The following CPAP variants were observed in gnomAD, a reference collection of about 807,000 sequenced individuals.
CPAP encodes the protein centrosomal P4.1-associated protein.
chr13:24,892,172 C>T, the CPAP span, among the ~76,000 whole-genome samples: 1 of 152,264 alleles, frequency 6.6e-6, no homozygotes, highest in Admixed American at 6.5e-5. Context: ...CCTGGTTGTT[C>T]ACAGAGATGA....
At chr13:24,905,077 T>TCTA in the CPAP span, among the ~76,000 whole-genome samples, 1 of 152,206 alleles carries the variant, frequency 6.6e-6, no homozygotes, top group Non-Finnish European at 1.5e-5. Flanking sequence ...ATGGTAATAC[T>TCTA]GGTACCTCTA....
the CPAP span, chr13:24,884,473 C>T: frequency 1.9e-6 from 3 of 1,613,612 alleles, no homozygotes; most frequent in African/African-American, 4.0e-5. Context: ...CCTAAAAAAC[C>T]AACACAAGAT....
the CPAP span, chr13:24,904,173 T>C: frequency 8.4e-7 from 1 of 1,196,742 alleles, no homozygotes; most frequent in Non-Finnish European, 1.2e-6. Context: ...GCTATTAAAA[T>C]GCATTAGAAA....
At chr13:24,926,151 C>T in the CPAP span, among the ~76,000 whole-genome samples, 7 of 152,320 alleles carry the variant, frequency 4.6e-5, no homozygotes, top group African/African-American at 1.7e-4. Flanking sequence ...TGCAACAGAT[C>T]ACGATGGAAC....
chr13:24,906,882 T>C, the CPAP span: 1 of 1,614,218 alleles, frequency 6.2e-7, no homozygotes, highest in South Asian at 1.1e-5. Flanking sequence ...TTGGCATTAG[T>C]AAATCTAGCT....
At chr13:24,903,383 G>C in the CPAP span, among the ~76,000 whole-genome samples, 3 of 152,158 alleles carry the variant, frequency 2.0e-5, no homozygotes, top group East Asian at 5.8e-4. Flanking sequence ...AACACACACA[G>C]AGGAGAATGC....
At chr13:24,933,256 C>A in the CPAP span, 1 of 779,214 alleles carries the variant, frequency 1.3e-6, no homozygotes, top group Non-Finnish European at 2.1e-6. Flanking sequence ...ACTGGAAGCT[C>A]ATCAGGAGAG....
chr13:24,919,028 G>T, the CPAP span, among the ~76,000 whole-genome samples: 1 of 147,204 alleles, frequency 6.8e-6, no homozygotes, highest in African/African-American at 2.5e-5. Flanking sequence ...AAAGAAGGAG[G>T]GTGAGGGGAG....
At chr13:24,929,901 A>ATTTTTTT in the CPAP span, among the ~76,000 whole-genome samples, 6 of 100,926 alleles carry the variant, frequency 5.9e-5, no homozygotes, top group Non-Finnish European at 9.6e-5. Flanking sequence ...TCACTTGTGA[A>ATTTTTTT]TTTTTTTTTT....
At chr13:24,883,201 A>G in the CPAP span, 9 of 1,614,062 alleles carry the variant, frequency 5.6e-6, no homozygotes, top group Admixed American at 8.3e-5. Flanking sequence ...CCATTAGCAC[A>G]TTACCCTCCT....
At chr13:24,927,146 C>T in the CPAP span, among the ~76,000 whole-genome samples, 2 of 152,160 alleles carry the variant, frequency 1.3e-5, no homozygotes, top group Non-Finnish European at 2.9e-5. Flanking sequence ...ACTATACAAC[C>T]TCTAATCATG....
At chr13:24,907,740 C>T in the CPAP span, among the ~76,000 whole-genome samples, 28,223 of 152,042 alleles carry the variant, frequency 0.19, 2,855 homozygotes, top group South Asian at 0.32. Context: ...TTTCCCTTCT[C>T]CAAAAATAGG....
the CPAP span, chr13:24,933,443 GAA>G: frequency 4.3e-6 from 1 of 231,458 alleles, no homozygotes; most frequent in Non-Finnish European, 8.7e-6. Context: ...ATTCTTGAAG[GAA>G]AAAAGTCATA....
the CPAP span, among the ~76,000 whole-genome samples, chr13:24,909,541 G>A: frequency 1.3e-5 from 2 of 149,988 alleles, no homozygotes; most frequent in Non-Finnish European, 3.0e-5. Context: ...AAAAAAACAC[G>A]CCACAGGGGA....
the CPAP span, among the ~76,000 whole-genome samples, chr13:24,917,643 T>C: frequency 6.6e-6 from 1 of 152,254 alleles, no homozygotes; most frequent in Admixed American, 6.5e-5. Flanking sequence ...GAATAGTTTA[T>C]GAAAACAGTA....
At chr13:24,892,710 A>T in the CPAP span, 1 of 1,614,066 alleles carries the variant, frequency 6.2e-7, no homozygotes, top group Non-Finnish European at 8.5e-7. Flanking sequence ...CCAGGCATCC[A>T]GTCGGAATCT....
the CPAP span, chr13:24,906,991 T>G: frequency 6.2e-7 from 1 of 1,604,724 alleles, no homozygotes; most frequent in Non-Finnish European, 8.5e-7. Context: ...TTGAATTAAT[T>G]TTGGTATATC....
At chr13:24,883,677 C>T in the CPAP span, among the ~76,000 whole-genome samples, 8 of 152,162 alleles carry the variant, frequency 5.3e-5, no homozygotes, top group African/African-American at 9.7e-5. Flanking sequence ...TAAAAACCAT[C>T]TGAGTGTTTG....
chr13:24,907,439 G>C, the CPAP span, among the ~76,000 whole-genome samples: 1 of 152,076 alleles, frequency 6.6e-6, no homozygotes, highest in Non-Finnish European at 1.5e-5. Context: ...ATCGACCACA[G>C]ATTAACACAT....
Sources: allele counts gnomAD v4.1 joint callset (sites outside exome capture counted in the v4.1 genomes callset), GRCh38; gene constraint gnomAD v4.1.1; transcripts MANE v1.5; gene names NCBI Gene and HGNC (gene_info 2026-07-23, HGNC 2026-07-21).